The following MIS18A variants were observed in gnomAD, a reference collection of about 807,000 sequenced individuals.
The protein encoded by MIS18A is protein Mis18-alpha.
A neutral mutation model predicts 25.0 loss-of-function variants in MIS18A; 14 were observed. The ratio of observed to expected loss-of-function variants is 0.56; its 90% CI spans 0.37 to 0.88. The LOEUF (loss-of-function observed/expected upper bound fraction) is 0.88, where lower values mean the gene tolerates loss of function less well. Ranked by LOEUF, MIS18A falls within the 40% of genes least tolerant of loss-of-function variation. The pLI, the probability that MIS18A is intolerant of heterozygous loss-of-function variation, is 0.00. For synonymous variants in MIS18A, 134 were observed against 118.6 expected (o/e 1.13, Z -0.84); for missense variants, 292 against 290.8 (o/e 1.00, Z -0.03).
the MIS18A span, among the ~76,000 whole-genome samples, chr21:32,191,576 C>G: frequency 6.6e-6 from 1 of 151,964 alleles, no homozygotes. Context: ...AGAGCAAGAC[C>G]CTTTCCCTTA....
the MIS18A span, among the ~76,000 whole-genome samples, chr21:32,246,477 G>C: frequency 3.9e-3 from 596 of 152,208 alleles, 6 homozygotes; most frequent in African/African-American, 0.014. Context: ...AGTCTGGCAG[G>C]GGGGAGAGGG....
the MIS18A span, among the ~76,000 whole-genome samples, chr21:32,206,299 A>AG: frequency 1.3e-5 from 2 of 152,082 alleles, no homozygotes; most frequent in African/African-American, 2.4e-5. Context: ...ATATTGGGTG[A>AG]GGGGGGATTA....
At chr21:32,278,499 A>G (rs1181200667) in intron 1 of MIS18A, 182 bp downstream of exon 1, 8 of 625,574 alleles carry the variant, frequency 1.3e-5, no homozygotes, top group African/African-American at 1.9e-5. Flanking sequence ...ACCGCCCGAG[A>G]GCCAAAGTGG....
At chr21:32,228,378 C>T in the MIS18A span, among the ~76,000 whole-genome samples, 12 of 152,320 alleles carry the variant, frequency 7.9e-5, no homozygotes, top group Non-Finnish European at 1.3e-4. Context: ...TGAGCCACTG[C>T]ACCCAGCTAT....
At chr21:32,258,563 A>G in the MIS18A span, among the ~76,000 whole-genome samples, 1 of 152,138 alleles carries the variant, frequency 6.6e-6, no homozygotes, top group Admixed American at 6.6e-5. Flanking sequence ...ACAAAACAAA[A>G]AGTCCGACTC....
chr21:32,192,247 T>A, the MIS18A span, among the ~76,000 whole-genome samples: 1 of 152,178 alleles, frequency 6.6e-6, no homozygotes, highest in Non-Finnish European at 1.5e-5. Flanking sequence ...GCCCTGTGGA[T>A]GTATTTTGCA....
the MIS18A span, among the ~76,000 whole-genome samples, chr21:32,236,346 G>A: frequency 1.3e-5 from 2 of 152,164 alleles, no homozygotes; most frequent in African/African-American, 4.8e-5. Flanking sequence ...TCGCACCACC[G>A]CACTCCAACC....
chr21:32,223,783 C>T, the MIS18A span, among the ~76,000 whole-genome samples: 1 of 152,168 alleles, frequency 6.6e-6, no homozygotes, highest in Non-Finnish European at 1.5e-5. Context: ...TTTTATGAGG[C>T]CAGCATCATC....
the MIS18A span, among the ~76,000 whole-genome samples, chr21:32,243,024 C>CCA: frequency 6.6e-6 from 1 of 152,098 alleles, no homozygotes; most frequent in Admixed American, 6.6e-5. Context: ...GGATGGCTTT[C>CCA]CAACAAACGG....
At chr21:32,174,084 C>G in the MIS18A span, among the ~76,000 whole-genome samples, 2 of 149,476 alleles carry the variant, frequency 1.3e-5, no homozygotes, top group African/African-American at 4.9e-5. Context: ...CCTACTTCAG[C>G]CTCCAGAGTA....
chr21:32,269,853 C>T, intron 3 of MIS18A, 50 bp from the exon 4 acceptor site: 1 of 1,135,910 alleles, frequency 8.8e-7, no homozygotes. Context: ...GTGGCATGCA[C>T]TTGTTCCCAG....
the MIS18A span, among the ~76,000 whole-genome samples, chr21:32,183,848 T>C: frequency 1.3e-5 from 2 of 152,238 alleles, no homozygotes; most frequent in African/African-American, 4.8e-5. Flanking sequence ...CTAAGGTTAC[T>C]GGAGAAAGTG....
At chr21:32,197,256 A>G in the MIS18A span, among the ~76,000 whole-genome samples, 1 of 151,872 alleles carries the variant, frequency 6.6e-6, no homozygotes, top group African/African-American at 2.4e-5. Flanking sequence ...TCAAAAAGAC[A>G]TTACCCTTTG....
At chr21:32,257,961 C>G in the MIS18A span, among the ~76,000 whole-genome samples, 1 of 152,120 alleles carries the variant, frequency 6.6e-6, no homozygotes, top group East Asian at 1.9e-4. Context: ...ATGTCTTGAC[C>G]CATAACAAGA....
In MIS18A at chr21:32,269,570, TAAC is replaced by T. The variant is rs1265392658; in HGVS notation, c.621+134_621+136del. The T allele has an allele frequency of 2.4e-5, 14 of 572,170 alleles. No homozygotes were observed. The Admixed American group carries it at 3.6e-4, about 15-fold the overall frequency. The allele number at this position is 572,170 out of a possible 1,614,324, so 35.4% of individuals were successfully genotyped here. On this transcript the variant is annotated intron_variant, in intron 4 of 4. Transcript: ENST00000290130. The stretch of plus-strand genomic sequence containing the variant: ...TGAGTTCCCCAAAAATCAACTTTAC[TAAC>T]AACTGAAATGAAATAAGCACACTCT...
At chr21:32,172,549 A>G in the MIS18A span, among the ~76,000 whole-genome samples, 245 of 151,898 alleles carry the variant, frequency 1.6e-3, 4 homozygotes, top group Admixed American at 0.013. Context: ...AGGAATTGCT[A>G]TCAAAATCCC....
chr21:32,201,895 T>C, the MIS18A span, among the ~76,000 whole-genome samples: 1 of 152,174 alleles, frequency 6.6e-6, no homozygotes, highest in Non-Finnish European at 1.5e-5. Context: ...CAACTTTGCG[T>C]TACCTTTCTT....
chr21:32,272,193 A>G (rs1206786425), intron 2 of MIS18A, among the ~76,000 whole-genome samples: 1 of 152,234 alleles, frequency 6.6e-6, no homozygotes, highest in Non-Finnish European at 1.5e-5. Context: ...TCGTAAGGTG[A>G]TGTTAGACAA....
At chr21:32,193,574 C>G in the MIS18A span, among the ~76,000 whole-genome samples, 1 of 152,138 alleles carries the variant, frequency 6.6e-6, no homozygotes, top group African/African-American at 2.4e-5. Flanking sequence ...TCTGGAATTG[C>G]GTAAATAATT....
Sources: allele counts gnomAD v4.1 joint callset (sites outside exome capture counted in the v4.1 genomes callset), GRCh38; gene constraint gnomAD v4.1.1; transcripts MANE v1.5; gene names NCBI Gene and HGNC (gene_info 2026-07-23, HGNC 2026-07-21).